DSCAM: variants seen among roughly 807,000 people sequenced by gnomAD.
The protein encoded by DSCAM is cell adhesion molecule DSCAM.
In DSCAM, 47 loss-of-function variants were observed where a neutral mutation model predicts 217.7. The ratio of observed to expected loss-of-function variants is 0.22; its 90% CI spans 0.17 to 0.28. The LOEUF (loss-of-function observed/expected upper bound fraction) is 0.28, where lower values mean the gene tolerates loss of function less well. Ranked by LOEUF, DSCAM falls within the 10% of genes least tolerant of loss-of-function variation. The pLI, the probability that DSCAM is intolerant of heterozygous loss-of-function variation, is 1.00. For synonymous variants in DSCAM, 1,056 were observed against 1,015.3 expected (o/e 1.04, Z -0.76); for missense variants, 2,080 against 2,618.3 (o/e 0.79, Z 4.49).
chr21:40,814,048 T>C (rs2091861058), intron 1 of DSCAM, among the ~76,000 whole-genome samples: 1 of 152,196 alleles, frequency 6.6e-6, no homozygotes, highest in African/African-American at 2.4e-5. Flanking sequence ...CCAGTGGTCA[T>C]CAATGCAGCT....
At chr21:40,340,846 G>A (rs1221618699) in intron 6 of DSCAM, among the ~76,000 whole-genome samples, 1 of 152,190 alleles carries the variant, frequency 6.6e-6, no homozygotes, top group African/African-American at 2.4e-5. Flanking sequence ...GACAGTTAAT[G>A]GTTAATAGTA....
At chr21:40,597,890 C>T (rs2077033922) in intron 3 of DSCAM, among the ~76,000 whole-genome samples, 1 of 152,168 alleles carries the variant, frequency 6.6e-6, no homozygotes, top group South Asian at 2.1e-4. Flanking sequence ...TCCCCTGCCA[C>T]TCCCCTATAC....
At chr21:40,115,803 G>T (rs2089963223) in intron 20 of DSCAM, among the ~76,000 whole-genome samples, 1 of 152,122 alleles carries the variant, frequency 6.6e-6, no homozygotes, top group South Asian at 2.1e-4. Context: ...CCATTACTGG[G>T]TATATACCCA....
chr21:40,427,953 G>C (rs1251043584), intron 3 of DSCAM, among the ~76,000 whole-genome samples: 1 of 152,160 alleles, frequency 6.6e-6, no homozygotes. Flanking sequence ...GCTGAATTTT[G>C]ATCCTAAATT....
intron 12 of DSCAM, 118 bp downstream of exon 12, chr21:40,188,924 C>T (rs1463578411): frequency 2.0e-6 from 2 of 1,023,536 alleles, no homozygotes; most frequent in Admixed American, 4.1e-5. Flanking sequence ...AGAAATAGTG[C>T]TTCGTAAATA....
At chr21:40,051,497 A>T (rs932471292) in intron 30 of DSCAM, among the ~76,000 whole-genome samples, 1 of 152,184 alleles carries the variant, frequency 6.6e-6, no homozygotes, top group African/African-American at 2.4e-5. Flanking sequence ...TTATGTGTGC[A>T]ACTTTATACT....
At chr21:40,508,800 T>TA in intron 3 of DSCAM, among the ~76,000 whole-genome samples, 1 of 108,588 alleles carries the variant, frequency 9.2e-6, no homozygotes, top group Non-Finnish European at 1.8e-5. Flanking sequence ...TTTTTTTTTT[T>TA]TTTTTTTTTT....
chr21:40,208,926 C>T (rs914026960), intron 11 of DSCAM, among the ~76,000 whole-genome samples: 2 of 152,156 alleles, frequency 1.3e-5, no homozygotes, highest in Non-Finnish European at 2.9e-5. Flanking sequence ...AGGAAAAAGC[C>T]CTCAAAACAA....
rs188003115 is a variant in DSCAM at position 40,278,377 on chromosome 21, G to A, written c.2183-2107C>T. On this transcript the variant is annotated intron_variant, in intron 10 of 32. Transcript: ENST00000400454. ...GTCTTTGTCACAAATACTCATCTCT[G>A]CCACTGAGTCATGAAAGTAGCCATA... Among the ~76,000 whole-genome samples the A allele has an allele frequency of 2.5e-3, 388 of 152,214 alleles. 3 individuals carry two copies. The highest frequency in any genetic ancestry group is 9.0e-3 in the African/African-American group (372 of 41,518).
At chr21:40,737,295 A>G (rs1367709247) in intron 1 of DSCAM, among the ~76,000 whole-genome samples, 1 of 152,224 alleles carries the variant, frequency 6.6e-6, no homozygotes, top group African/African-American at 2.4e-5. Flanking sequence ...ACAGCTTTAT[A>G]AGGAAATACA....
chr21:40,402,160 C>T (rs995872565), intron 3 of DSCAM, among the ~76,000 whole-genome samples: 1 of 139,690 alleles, frequency 7.2e-6, no homozygotes, highest in African/African-American at 2.7e-5. Context: ...CCTGGGTTCA[C>T]GTCATTCTCC....
At chr21:40,021,296 G>C (rs2088267526) in intron 32 of DSCAM, among the ~76,000 whole-genome samples, 1 of 152,064 alleles carries the variant, frequency 6.6e-6, no homozygotes, top group Admixed American at 6.5e-5. Flanking sequence ...ATAGAGAAGG[G>C]AAAAGGGGAA....
intron 3 of DSCAM, among the ~76,000 whole-genome samples, chr21:40,677,927 C>T (rs1249563252): frequency 3.9e-5 from 6 of 152,106 alleles, no homozygotes; most frequent in Non-Finnish European, 8.8e-5. Context: ...TATAAGCCAC[C>T]CAATGCATGG....
intron 20 of DSCAM, among the ~76,000 whole-genome samples, chr21:40,104,394 A>T (rs1682606517): frequency 6.6e-6 from 1 of 152,188 alleles, no homozygotes; most frequent in African/African-American, 2.4e-5. Context: ...TTTAAAGCCA[A>T]TTTATTTCCT....
At chr21:40,521,638 C>A (rs1462425975) in intron 3 of DSCAM, among the ~76,000 whole-genome samples, 4 of 148,560 alleles carry the variant, frequency 2.7e-5, no homozygotes, top group South Asian at 2.3e-4. Context: ...CCCTCAAATA[C>A]CACGTTTTCA....
chr21:40,220,157 C>T (rs1409369303), intron 11 of DSCAM, among the ~76,000 whole-genome samples: 1 of 152,178 alleles, frequency 6.6e-6, no homozygotes, highest in Non-Finnish European at 1.5e-5. Flanking sequence ...TCTCTCACAT[C>T]CACTGTGGCC....
chr21:40,200,419 T>C (rs8131119), intron 11 of DSCAM, among the ~76,000 whole-genome samples: 1 of 152,242 alleles, frequency 6.6e-6, no homozygotes, highest in Non-Finnish European at 1.5e-5. Flanking sequence ...TTTTTGTATC[T>C]GGCTCATTTT....
chr21:40,508,738 T>A (rs1173414938), intron 3 of DSCAM, among the ~76,000 whole-genome samples: 7 of 17,286 alleles, frequency 4.0e-4, no homozygotes, highest in African/African-American at 1.7e-3. Context: ...CCGGCAAATA[T>A]ATATATATAT....
intron 15 of DSCAM, among the ~76,000 whole-genome samples, chr21:40,167,908 CA>C (rs2090615126): frequency 6.6e-6 from 1 of 152,026 alleles, no homozygotes; most frequent in African/African-American, 2.4e-5. Context: ...TACTAAAATA[CA>C]AAAAATTAGC....
Sources: allele counts gnomAD v4.1 joint callset (sites outside exome capture counted in the v4.1 genomes callset), GRCh38; gene constraint gnomAD v4.1.1; transcripts MANE v1.5; gene names NCBI Gene and HGNC (gene_info 2026-07-23, HGNC 2026-07-21).